The following ESYT2 variants were observed in gnomAD, a reference collection of about 807,000 sequenced individuals.
The protein encoded by ESYT2 is extended synaptotagmin-2.
ESYT2 carries 54 observed loss-of-function variants against 107.2 expected under a neutral mutation model. The ratio of observed to expected loss-of-function variants is 0.50; its 90% CI spans 0.40 to 0.63. ESYT2 has a LOEUF of 0.63. Among genes scored for constraint, ESYT2 ranks in the 30% least tolerant of loss-of-function variants. The pLI is 0.00. For synonymous variants in ESYT2, 491 were observed against 434.1 expected, an observed-to-expected ratio of 1.13 and a Z score of -1.63; for missense variants, 1,020 against 1,094.5, an observed-to-expected ratio of 0.93 and a Z score of 0.96.
At position 158,764,796 on chromosome 7, in the gene ESYT2, G is replaced by A. The variant is rs1211508141; in HGVS notation, c.982C>T (p.Leu328Phe). The change falls in exon 9 of 23, where the codon CTT (leucine) becomes TTT (phenylalanine). Residue 328 changes from leucine (L) to phenylalanine (F), a missense_variant. Transcript: ENST00000275418. Reference sequence around the variant, plus strand: ...GACTTTCCCTTGACAAGTCCCTTAAGGTAAGTGTCTTTCCCCTGAAGATCC... The same window carrying A: ...GACTTTCCCTTGACAAGTCCCTTAAAGTAAGTGTCTTTCCCCTGAAGATCC... ...AQDLQGKDTY[L>F]KGLVKGKSDP... The A allele has an allele frequency of 8.7e-6, 14 of 1,614,010 alleles. No individual in the cohort carries two copies. The highest frequency in any genetic ancestry group is 1.1e-5 in the Non-Finnish European group (13 of 1,180,018).
intron 13 of ESYT2, among the ~76,000 whole-genome samples, chr7:158,754,496 C>T (rs1837687263): frequency 6.6e-6 from 1 of 152,134 alleles, no homozygotes; most frequent in Non-Finnish European, 1.5e-5. Context: ...CAGGCATGAG[C>T]CACTGTGCCC....
In ESYT2 at chr7:158,806,127, GGGAGGT is replaced by G. The variant is rs1839824652; in HGVS notation, c.331-7061_331-7056del. 2.6e-4 allele frequency among the ~76,000 whole-genome samples: 11 copies of G among 42,378 alleles called. No homozygotes were observed. The East Asian group carries it at 2.6e-3, about 10-fold the overall frequency. The allele number at this position is 42,378 out of a possible 152,430, so 27.8% of individuals were successfully genotyped here. ...TGGGAGGCGCCGGGGCACACCGCGTGGGAGGTGCCGGGGCACACCGCGTAGGAGGCG... is the reference window on the plus strand; with the variant it reads ...TGGGAGGCGCCGGGGCACACCGCGTGGCCGGGGCACACCGCGTAGGAGGCG... On this transcript the variant is annotated intron_variant, in intron 1 of 22. Transcript: ENST00000275418.
At chr7:158,828,175 C>T (rs1034678545) in intron 1 of ESYT2, among the ~76,000 whole-genome samples, 19 of 152,264 alleles carry the variant, frequency 1.2e-4, no homozygotes, top group African/African-American at 4.3e-4. Flanking sequence ...TTTCGAGAGA[C>T]ACTTACTGCC....
chr7:158,824,037 C>G (rs2129474381), intron 1 of ESYT2, among the ~76,000 whole-genome samples: 1 of 152,200 alleles, frequency 6.6e-6, no homozygotes, highest in African/African-American at 2.4e-5. Context: ...TGCATATATC[C>G]TAAATTTAAA....
At chr7:158,808,346 C>A (rs1839895182) in intron 1 of ESYT2, among the ~76,000 whole-genome samples, 1 of 152,252 alleles carries the variant, frequency 6.6e-6, no homozygotes, top group Non-Finnish European at 1.5e-5. Context: ...TGCTCCCGCC[C>A]ACTCACCTGT....
intron 8 of ESYT2, among the ~76,000 whole-genome samples, chr7:158,766,854 T>C (rs1838181185): frequency 6.6e-6 from 1 of 152,218 alleles, no homozygotes; most frequent in South Asian, 2.1e-4. Flanking sequence ...TAAACAGACA[T>C]GGGATCTAAC....
intron 1 of ESYT2, 128 bp from the exon 2 acceptor site, chr7:158,799,200 C>G (rs1839560917): frequency 2.4e-6 from 2 of 817,364 alleles, no homozygotes; most frequent in Non-Finnish European, 3.9e-6. Context: ...ACACTCTGCT[C>G]TAAAGCTTGG....
At chr7:158,803,513 C>A (rs759635358) in intron 1 of ESYT2, among the ~76,000 whole-genome samples, 9 of 152,140 alleles carry the variant, frequency 5.9e-5, no homozygotes, top group Admixed American at 1.3e-4. Flanking sequence ...ATGTGGCCTG[C>A]GTTCAAATAA....
At chr7:158,815,563 C>T (rs1259930109) in intron 1 of ESYT2, among the ~76,000 whole-genome samples, 1 of 152,202 alleles carries the variant, frequency 6.6e-6, no homozygotes, top group Non-Finnish European at 1.5e-5. Flanking sequence ...AATTGGGACA[C>T]ATCCCTCTAG....
intron 17 of ESYT2, among the ~76,000 whole-genome samples, chr7:158,743,297 C>G (rs1837276410): frequency 6.6e-6 from 1 of 152,194 alleles, no homozygotes; most frequent in South Asian, 2.1e-4. Context: ...CCTGCTCGGG[C>G]AACCTGGAAA....
At chr7:158,734,692 A>G (rs1258229928) in intron 21 of ESYT2, among the ~76,000 whole-genome samples, 1 of 152,254 alleles carries the variant, frequency 6.6e-6, no homozygotes. Flanking sequence ...CGGGAGGCTG[A>G]GACAGCAATT....
Position 158,743,685 on chromosome 7 carries a change from A to C in ESYT2, c.1645-7T>G, listed in dbSNP as rs2305476. Reference sequence around the variant, plus strand: ...GGTGCTGCTCGTCTCTGACCTGCAAAACACAGGGTGGAAACACTGGCATAA... The same window carrying C: ...GGTGCTGCTCGTCTCTGACCTGCAACACACAGGGTGGAAACACTGGCATAA... On this transcript the variant is annotated splice_region_variant and splice_polypyrimidine_tract_variant and intron_variant, in intron 16 of 22. Coordinates refer to ENST00000275418, the MANE Select transcript of ESYT2 (RefSeq NM_001367773.1). 0.18 allele frequency: 288,421 copies of C among 1,576,958 alleles called. 33,674 individuals are homozygous for C. The highest frequency in any genetic ancestry group is 0.56 in the East Asian group (24,163 of 43,228).
chr7:158,748,976 G>T lies in ESYT2; in HGVS notation c.1557+673C>A, dbSNP rs561230137. 3.3e-5 allele frequency among the ~76,000 whole-genome samples: 5 copies of T among 152,208 alleles called. No individual in the cohort carries two copies. In the South Asian group the frequency reaches 1.0e-3, roughly 32 times the overall value. ...TCAAGTCGTAATTCTAACTGTATTG[G>T]TTGAATTTTAAGCACTGTTGGTTTT... On this transcript the variant is annotated intron_variant, in intron 15 of 22. Coordinates refer to ENST00000275418, the MANE Select transcript of ESYT2 (RefSeq NM_001367773.1).
At chr7:158,780,899 G>A (rs534643308) in intron 6 of ESYT2, among the ~76,000 whole-genome samples, 1 of 152,338 alleles carries the variant, frequency 6.6e-6, no homozygotes, top group Admixed American at 6.5e-5. Context: ...GAGGGAGCAA[G>A]TGGAAAGAGA....
intron 1 of ESYT2, among the ~76,000 whole-genome samples, chr7:158,807,504 C>T (rs982790808): frequency 6.6e-6 from 1 of 152,130 alleles, no homozygotes; most frequent in Non-Finnish European, 1.5e-5. Flanking sequence ...TATTTGTACA[C>T]AATGAAGAAA....
At chr7:158,822,400 G>A (rs1397343435) in intron 1 of ESYT2, among the ~76,000 whole-genome samples, 1 of 152,164 alleles carries the variant, frequency 6.6e-6, no homozygotes, top group Non-Finnish European at 1.5e-5. Context: ...TTTGAAGCAT[G>A]ATTTCTATTG....
At chr7:158,814,026 C>G (rs1277490590) in intron 1 of ESYT2, among the ~76,000 whole-genome samples, 2 of 151,822 alleles carry the variant, frequency 1.3e-5, no homozygotes, top group Admixed American at 1.3e-4. Context: ...GTGATCCCAG[C>G]ACTTTGGGAG....
Position 158,733,184 on chromosome 7 carries a change from G to T in ESYT2, c.*1023C>A, listed in dbSNP as rs1225345088. ...ATCCTATGTGTGAGGTCACACTGGG[G>T]GTTCCTGACAATAATGAGATCGAGC... On this transcript the variant is annotated 3_prime_UTR_variant, in exon 23 of 23. Coordinates refer to ENST00000275418, the MANE Select transcript of ESYT2 (RefSeq NM_001367773.1). The T allele has an allele frequency of 2.0e-5, 3 of 152,166 alleles. No individual in the cohort carries two copies. The highest frequency in any genetic ancestry group is 2.0e-4 in the Admixed American group (3 of 15,280). The allele number at this position is 152,166 out of a possible 1,614,324, so 9.4% of individuals were successfully genotyped here. A position where few individuals can be genotyped will look rare whatever the true frequency, so the allele number is the denominator to read the frequency against.
At chr7:158,786,114 C>T (rs983208139) in intron 6 of ESYT2, among the ~76,000 whole-genome samples, 1 of 151,578 alleles carries the variant, frequency 6.6e-6, no homozygotes, top group Non-Finnish European at 1.5e-5. Context: ...ACTTCTCAGC[C>T]CCATCCTTCT....
Sources: gnomAD v4.1 joint callset for allele counts (sites outside exome capture counted in the v4.1 genomes callset) on GRCh38, gnomAD v4.1.1 for gene constraint, MANE v1.5 for transcripts, NCBI Gene and HGNC (gene_info 2026-07-23, HGNC 2026-07-21) for gene names.